PGM5: variants seen among roughly 807,000 people sequenced by gnomAD.
PGM5 encodes phosphoglucomutase-like protein 5.
A neutral mutation model predicts 59.2 loss-of-function variants in PGM5; 23 were observed. The observed-to-expected ratio is 0.39, with a 90% CI of 0.28 to 0.55. The LOEUF is 0.55. PGM5 is among the 20% of genes least tolerant of loss of function. The pLI is 0.66. For missense variants in PGM5, 574 were observed against 748.3 expected (o/e 0.77, Z 2.72); for synonymous variants, 214 against 286.0 (o/e 0.75, Z 2.54).
At chr9:68,396,708 T>A (rs1447025562) in intron 6 of PGM5, 44 of 152,022 alleles carry the variant, frequency 2.9e-4, no homozygotes, top group African/African-American at 1.1e-3. Context: ...CCCAGGTGGA[T>A]TCTCATGATG....
intron 1 of PGM5, among the ~76,000 whole-genome samples, chr9:68,366,760 G>A (rs1834687133): frequency 6.6e-6 from 1 of 151,908 alleles, no homozygotes; most frequent in Non-Finnish European, 1.5e-5. Flanking sequence ...ATAAAAATAG[G>A]GAAAGTAATA....
At chr9:68,470,534 A>G (rs1587820823) in intron 7 of PGM5, among the ~76,000 whole-genome samples, 1 of 152,252 alleles carries the variant, frequency 6.6e-6, no homozygotes, top group African/African-American at 2.4e-5. Flanking sequence ...TCTTATTTAT[A>G]CAATTATTAC....
intron 6 of PGM5, among the ~76,000 whole-genome samples, chr9:68,462,112 T>G (rs183449674): frequency 5.9e-5 from 9 of 151,680 alleles, no homozygotes; most frequent in Non-Finnish European, 1.3e-4. Context: ...CAGCATAGTT[T>G]TCAGGCTCCT....
intron 6 of PGM5, among the ~76,000 whole-genome samples, chr9:68,423,208 A>AT (rs1823172035): frequency 6.6e-6 from 1 of 151,784 alleles, no homozygotes; most frequent in Admixed American, 6.6e-5. Flanking sequence ...TCTTTTTCGT[A>AT]TAATGACTTC....
chr9:68,529,578 C>A lies in PGM5; in HGVS notation c.1626C>A (p.Ser542Arg). ...GHDQEPQAVL[S>R]PLIAIALKIS... ...TTTTCCTTTTGCAGGCAGTGCTGAG[C>A]CCTCTCATAGCCATCGCACTGAAAA... Residue 542 changes from serine (S) to arginine (R), a missense_variant, in exon 11 of 11, where the codon AGC becomes AGA. Around this residue, in one of 7 missense-constraint regions of PGM5, gnomAD observed 300 missense variants for 280.0 expected, o/e 1.07. Coordinates refer to ENST00000396396, the MANE Select transcript of PGM5 (RefSeq NM_021965.4). 2 of 1,594,884 alleles carry A rather than the reference C, an allele frequency of 1.3e-6. No individual in the cohort carries two copies. The highest frequency in any genetic ancestry group is 1.7e-6 in the Non-Finnish European group (2 of 1,167,488).
intron 7 of PGM5, 46 bp from the exon 8 acceptor site, chr9:68,479,372 T>A: frequency 6.4e-7 from 1 of 1,568,790 alleles, no homozygotes; most frequent in South Asian, 1.2e-5. Flanking sequence ...GCTTTTGCTT[T>A]GCTCCCACAA....
chr9:68,483,799 C>A, intron 8 of PGM5, 66 bp from the exon 9 acceptor site: 1 of 1,446,150 alleles, frequency 6.9e-7, no homozygotes, highest in Non-Finnish European at 9.7e-7. Context: ...GATTAAATAA[C>A]TGTAAGTGGG....
chr9:68,484,373 CAAA>C lies in PGM5; in HGVS notation c.1479+341_1479+343del, dbSNP rs1188951508. Among the ~76,000 whole-genome samples, 412 of 106,300 alleles carry C rather than the reference CAAA, an allele frequency of 3.9e-3. 3 individuals carry two copies. The highest frequency in any genetic ancestry group is 0.012 in the African/African-American group (353 of 30,414). 69.7% of individuals were successfully genotyped at this position (106,300 alleles called of 152,430 possible). A position where few individuals can be genotyped will look rare whatever the true frequency, so the allele number is the denominator to read the frequency against. ...AACAAAGTGAGACCCCCATCTCTAC[CAAA>C]AAAAAAAAAAAAAAATAGCTGGGCA... On this transcript the variant is annotated intron_variant, in intron 9 of 10. Coordinates refer to ENST00000396396, the MANE Select transcript of PGM5 (RefSeq NM_021965.4).
At chr9:68,385,449 G>A (rs1275498867) in intron 3 of PGM5, among the ~76,000 whole-genome samples, 2 of 152,084 alleles carry the variant, frequency 1.3e-5, no homozygotes, top group Non-Finnish European at 2.9e-5. Context: ...GATTAAAATG[G>A]ATTGTGTGGG....
intron 6 of PGM5, among the ~76,000 whole-genome samples, chr9:68,450,778 C>T (rs891030693): frequency 2.0e-5 from 3 of 152,150 alleles, no homozygotes; most frequent in Non-Finnish European, 2.9e-5. Context: ...GAAACTCAGT[C>T]AATAGCTTAG....
chr9:68,501,542 C>T (rs563240055), intron 10 of PGM5, among the ~76,000 whole-genome samples: 2 of 152,288 alleles, frequency 1.3e-5, no homozygotes, highest in East Asian at 3.9e-4. Flanking sequence ...AACTGTTGAA[C>T]AGAGATAAAA....
At chr9:68,413,704 A>G (rs1822975378) in intron 6 of PGM5, among the ~76,000 whole-genome samples, 1 of 152,204 alleles carries the variant, frequency 6.6e-6, no homozygotes. Flanking sequence ...TGAAGTGTGG[A>G]TTCATGCCAC....
chr9:68,461,814 A>T (rs1227582409), intron 6 of PGM5, among the ~76,000 whole-genome samples: 1 of 151,954 alleles, frequency 6.6e-6, no homozygotes, highest in Non-Finnish European at 1.5e-5. Context: ...AACAGGCTTT[A>T]TGCTGGAAAA....
At chr9:68,371,736 A>C (rs376712) in intron 1 of PGM5, 53,077 of 151,854 alleles carry the variant, frequency 0.35, 9,516 homozygotes, top group East Asian at 0.43. Flanking sequence ...GGCTTTCAAA[A>C]GTTATATTTC....
intron 10 of PGM5, among the ~76,000 whole-genome samples, chr9:68,518,508 A>C (rs1174934942): frequency 6.6e-6 from 1 of 152,240 alleles, no homozygotes; most frequent in Non-Finnish European, 1.5e-5. Context: ...CACTATGTTC[A>C]TGGAAATAAA....
chr9:68,425,108 G>C (rs928264457), intron 6 of PGM5, among the ~76,000 whole-genome samples: 1 of 152,152 alleles, frequency 6.6e-6, no homozygotes, highest in East Asian at 1.9e-4. Context: ...GGGCTTTTCT[G>C]TATGCTCTTT....
intron 6 of PGM5, chr9:68,405,095 A>T (rs1161348620): frequency 2.0e-5 from 3 of 152,194 alleles, no homozygotes; most frequent in Non-Finnish European, 1.5e-5. Context: ...TTGTCTATGA[A>T]GATGGAAGAC....
At chr9:68,511,305 C>T (rs1824745489) in intron 10 of PGM5, among the ~76,000 whole-genome samples, 1 of 152,074 alleles carries the variant, frequency 6.6e-6, no homozygotes, top group Non-Finnish European at 1.5e-5. Flanking sequence ...TCTGTCAGTC[C>T]TAGAATCTCT....
At chr9:68,514,086 G>A (rs575579278) in intron 10 of PGM5, among the ~76,000 whole-genome samples, 42 of 152,336 alleles carry the variant, frequency 2.8e-4, no homozygotes, top group South Asian at 1.9e-3. Context: ...TAGAAATGCA[G>A]AATCTCGGGC....
Sources: gnomAD v4.1 joint callset for allele counts (sites outside exome capture counted in the v4.1 genomes callset) on GRCh38, gnomAD v4.1.1 for gene constraint, gnomAD v4.1.1 regional missense constraint, MANE v1.5 for transcripts, NCBI Gene and HGNC (gene_info 2026-07-23, HGNC 2026-07-21) for gene names.